Variants in ILRUN observed in about 807,000 individuals in gnomAD.
The protein encoded by ILRUN is protein ILRUN.
Under a neutral mutation model 33.8 loss-of-function variants are expected in ILRUN, and 3 were observed. The observed-to-expected ratio is 0.09, with a 90% CI of 0.04 to 0.23. The LOEUF (loss-of-function observed/expected upper bound fraction) is 0.23, where lower values mean the gene tolerates loss of function less well. Among genes scored for constraint, ILRUN ranks in the 10% least tolerant of loss-of-function variants. The probability of loss-of-function intolerance (pLI) is 1.00; values close to 1 mark genes in which losing one functional copy is unlikely to be tolerated. For missense variants in ILRUN, 210 were observed against 375.1 expected (o/e 0.56, Z 3.64); for synonymous variants, 124 against 138.9 (o/e 0.89, Z 0.75).
intron 4 of ILRUN, among the ~76,000 whole-genome samples, chr6:34,606,144 A>ATAAG (rs1490432217): frequency 6.6e-6 from 1 of 152,216 alleles, no homozygotes; most frequent in South Asian, 2.1e-4. Context: ...TGGGTCATGG[A>ATAAG]TAAGGAAGTC....
chr6:34,695,667 G>A (rs188442213), intron 1 of ILRUN, among the ~76,000 whole-genome samples: 69 of 152,108 alleles, frequency 4.5e-4, no homozygotes, highest in African/African-American at 1.7e-3. Flanking sequence ...CCTCTGCCAG[G>A]AGTCCTGTCC....
In ILRUN at chr6:34,589,421, G is replaced by A. The variant is rs1352502354; in HGVS notation, c.*1144C>T. 6.6e-6 allele frequency: 1 copy of A among 152,320 alleles called. No individual in the cohort carries two copies. The highest frequency in any genetic ancestry group is 1.5e-5 in the Non-Finnish European group (1 of 68,098). The allele number at this position is 152,320 out of a possible 1,614,324, so 9.4% of individuals were successfully genotyped here. ...TAGTCAGTGGCTGGCCCTTCCCCAT[G>A]ACAAATTCCCCCTTTGGGGCTGTAT... is the stretch of plus-strand genomic sequence containing the variant. On this transcript the variant is annotated 3_prime_UTR_variant, in exon 5 of 5. Coordinates refer to ENST00000374023, the MANE Select transcript of ILRUN (RefSeq NM_024294.4).
At position 34,606,651 on chromosome 6, in the gene ILRUN, G is replaced by A. The variant is rs779590612; in HGVS notation, c.765C>T (p.Asp255=). The change falls in exon 4 of 5, where the codon GAC becomes GAT. Residue 255 remains aspartate, a synonymous_variant. Coordinates refer to ENST00000374023, the MANE Select transcript of ILRUN (RefSeq NM_024294.4). ...PAPDTWAPAP[D]QTEQDQNRLS... ...GTCTATTCTGGTCTTGCTCAGTTTG[G>A]TCAGGAGCAGGAGCCCATGTGTCAG... 1.2e-6 allele frequency: 2 copies of A among 1,612,548 alleles called. No homozygotes were observed. Among genetic ancestry groups the A allele is most frequent in the Non-Finnish European group, 8.5e-7 (1 of 1,178,588 alleles).
chr6:34,628,492 C>T (rs926186102), intron 3 of ILRUN, among the ~76,000 whole-genome samples: 1 of 152,088 alleles, frequency 6.6e-6, no homozygotes, highest in Non-Finnish European at 1.5e-5. Flanking sequence ...GCCACCACGC[C>T]TGGCTAATTT....
At chr6:34,642,084 T>C (rs1762485248) in intron 3 of ILRUN, among the ~76,000 whole-genome samples, 1 of 152,220 alleles carries the variant, frequency 6.6e-6, no homozygotes, top group African/African-American at 2.4e-5. Context: ...CATAGTGAAG[T>C]TTGAATCCAC....
chr6:34,646,475 T>A lies in ILRUN; in HGVS notation c.511+126A>T. On this transcript the variant is annotated intron_variant, in intron 3 of 4. Coordinates refer to ENST00000374023, the MANE Select transcript of ILRUN (RefSeq NM_024294.4). This position sits in a 1 kb window ranked among gnomAD's most constrained non-coding sequence, Gnocchi z 4.9. ...ATAAAATGCAAATCATTTACCTGCA[T>A]GAGGTGACTGTTAAAAAGAGGCCAT... is the stretch of plus-strand genomic sequence containing the variant. 1 of 768,268 alleles carries A rather than the reference T, an allele frequency of 1.3e-6. No homozygotes were observed. The highest frequency in any genetic ancestry group is 1.8e-5 in the South Asian group (1 of 56,658). 47.6% of individuals were successfully genotyped at this position (768,268 alleles called of 1,614,324 possible).
rs551739901 is a variant in ILRUN at position 34,626,788 on chromosome 6, C to T, written c.511+19813G>A. Among the ~76,000 whole-genome samples the T allele has an allele frequency of 5.1e-4, 77 of 152,190 alleles. 1 individual carries two copies. Among genetic ancestry groups the T allele is most frequent in the Non-Finnish European group, 3.4e-4 (23 of 68,010 alleles). On this transcript the variant is annotated intron_variant, in intron 3 of 4. Transcript: ENST00000374023. ...TTTAGAGGCCGAGGTGGGCGGATCA[C>T]GAGGTCAGGAGTTCCAGACCATCCT...
At chr6:34,684,502 T>G (rs931734112) in intron 1 of ILRUN, among the ~76,000 whole-genome samples, 1 of 152,180 alleles carries the variant, frequency 6.6e-6, no homozygotes, top group Non-Finnish European at 1.5e-5. Context: ...TACACATTAC[T>G]TCAACAAATG....
chr6:34,600,926 C>G (rs1425227982), intron 4 of ILRUN, among the ~76,000 whole-genome samples: 1 of 152,194 alleles, frequency 6.6e-6, no homozygotes, highest in African/African-American at 2.4e-5. Flanking sequence ...TCAAAAATAA[C>G]TGCTTTTGTT....
intron 1 of ILRUN, among the ~76,000 whole-genome samples, chr6:34,667,621 T>G (rs1025844991): frequency 1.3e-5 from 2 of 152,172 alleles, no homozygotes; most frequent in Non-Finnish European, 2.9e-5. Context: ...GGACACTATC[T>G]TAACCAAATA....
chr6:34,650,411 A>T (rs766421506), intron 2 of ILRUN, among the ~76,000 whole-genome samples: 621 of 31,584 alleles, frequency 0.02, 4 homozygotes, highest in African/African-American at 0.057. Context: ...ATTTATTTTT[A>T]TTTATTTATT....
chr6:34,640,708 C>CAAAT (rs1030079517), intron 3 of ILRUN, among the ~76,000 whole-genome samples: 5 of 142,792 alleles, frequency 3.5e-5, no homozygotes, highest in African/African-American at 1.1e-4. Flanking sequence ...GACTCCGTCT[C>CAAAT]AAATAAATGA....
intron 4 of ILRUN, 58 bp downstream of exon 4, chr6:34,606,497 G>T: frequency 7.2e-7 from 1 of 1,386,188 alleles, no homozygotes; most frequent in Non-Finnish European, 1.0e-6. Context: ...TGCCATGAAG[G>T]GGTATCACAA....
At chr6:34,603,573 G>A (rs1480604446) in intron 4 of ILRUN, among the ~76,000 whole-genome samples, 6 of 152,152 alleles carry the variant, frequency 3.9e-5, no homozygotes, top group Non-Finnish European at 5.9e-5. Context: ...AGTCAAGGCT[G>A]CAGTGAGCTG....
In ILRUN at chr6:34,592,574, ATTATTTTTATTTTTATTTT is replaced by A. The variant is rs1382185057; in HGVS notation, c.862-1993_862-1975del. Reference sequence around the variant, plus strand: ...CGCAAAAGTAATTGCAGTTTTTGCCATTATTTTTATTTTTATTTTTTATTTTTATTTTTTTCAAGACAGA... The same window carrying A: ...CGCAAAAGTAATTGCAGTTTTTGCCATTATTTTTATTTTTTTCAAGACAGA... On this transcript the variant is annotated intron_variant, in intron 4 of 4. Coordinates refer to ENST00000374023, the MANE Select transcript of ILRUN (RefSeq NM_024294.4). The surrounding 1 kb of genome is among the most constrained non-coding windows in gnomAD (Gnocchi z 4.0). Among the ~76,000 whole-genome samples the A allele has an allele frequency of 6.6e-6, 1 of 152,206 alleles. No homozygotes were observed. The highest frequency in any genetic ancestry group is 1.9e-4 in the East Asian group (1 of 5,204).
At chr6:34,604,035 A>G (rs1761573756) in intron 4 of ILRUN, among the ~76,000 whole-genome samples, 2 of 152,184 alleles carry the variant, frequency 1.3e-5, no homozygotes, top group Admixed American at 1.3e-4. Flanking sequence ...GGAGACCCCA[A>G]TTTCTCTTTG....
intron 3 of ILRUN, among the ~76,000 whole-genome samples, chr6:34,608,664 A>G (rs1041873654): frequency 6.6e-6 from 1 of 152,092 alleles, no homozygotes; most frequent in East Asian, 1.9e-4. Flanking sequence ...CAGCTCCATT[A>G]TAACTTTATG....
At position 34,639,125 on chromosome 6, in the gene ILRUN, T is replaced by C. The variant is rs74715501; in HGVS notation, c.511+7476A>G. On this transcript the variant is annotated intron_variant, in intron 3 of 4. Coordinates refer to ENST00000374023, the MANE Select transcript of ILRUN (RefSeq NM_024294.4). ...AGGTTTTGGGAAATAAACAGTGTAG[T>C]TTACATAGAGCACCCAATAAGTTTC... Among the ~76,000 whole-genome samples, 44 of 152,284 alleles carry C rather than the reference T, an allele frequency of 2.9e-4. No individual in the cohort carries two copies. In the East Asian group the frequency reaches 7.7e-3, roughly 27 times the overall value.
intron 3 of ILRUN, among the ~76,000 whole-genome samples, chr6:34,640,537 C>T (rs1428198395): frequency 6.6e-6 from 1 of 151,954 alleles, no homozygotes; most frequent in Non-Finnish European, 1.5e-5. Context: ...ATGGTGAACC[C>T]TGTCTCTACT....
Sources: gnomAD v4.1 joint callset for allele counts (sites outside exome capture counted in the v4.1 genomes callset) on GRCh38, gnomAD v4.1.1 for gene constraint, Gnocchi (gnomAD v3.1) non-coding constraint, MANE v1.5 for transcripts, NCBI Gene and HGNC (gene_info 2026-07-23, HGNC 2026-07-21) for gene names.